UGGT1: variants seen among roughly 807,000 people sequenced by gnomAD.
UGGT1 encodes UDP-glucose:glycoprotein glucosyltransferase 1.
UGGT1 carries 107 observed loss-of-function variants against 203.9 expected under a neutral mutation model. The observed-to-expected ratio is 0.52, with a 90% confidence interval of 0.45 to 0.62. The LOEUF is 0.62. Among genes scored for constraint, UGGT1 ranks in the 20% least tolerant of loss-of-function variants. The pLI is 0.00. For missense variants in UGGT1, 1,673 were observed against 1,867.2 expected, an observed-to-expected ratio of 0.90 and a Z score of 1.92; for synonymous variants, 628 against 653.5, an observed-to-expected ratio of 0.96 and a Z score of 0.59.
In UGGT1 at chr2:128,190,237, T is replaced by G. The variant is rs932707575; in HGVS notation, c.*495T>G. On this transcript the variant is annotated 3_prime_UTR_variant, in exon 41 of 41. Transcript: ENST00000259253. ...ACCTCCAGGTTTACGCCAACATCCT[T>G]GTGCCCTCCCCACCTTCTCTTCCAA... is the stretch of plus-strand genomic sequence containing the variant. 6.5e-6 allele frequency: 1 copy of G among 154,010 alleles called. No homozygotes were observed. Among genetic ancestry groups the G allele is most frequent in the African/African-American group, 2.4e-5 (1 of 41,484 alleles). 9.5% of individuals were successfully genotyped at this position (154,010 alleles called of 1,614,324 possible).
At position 128,188,068 on chromosome 2, in the gene UGGT1, T is replaced by C. The variant is rs544384295; in HGVS notation, c.4642+454T>C. ...CAGAGTCTCACTCTGTTGCCCAGGC[T>C]GGAGTGCAGTGGCATGATCTTGGCT... On this transcript the variant is annotated intron_variant, in intron 40 of 40. Coordinates refer to ENST00000259253, the MANE Select transcript of UGGT1 (RefSeq NM_020120.4). Among the ~76,000 whole-genome samples, 3 of 151,086 alleles carry C rather than the reference T, an allele frequency of 2.0e-5. No individual in the cohort carries two copies. In the East Asian group the frequency reaches 5.8e-4, roughly 29 times the overall value.
At chr2:128,118,370 A>T (rs1316559756) in intron 8 of UGGT1, among the ~76,000 whole-genome samples, 1 of 151,976 alleles carries the variant, frequency 6.6e-6, no homozygotes, top group Non-Finnish European at 1.5e-5. Flanking sequence ...GGCTCAAGGG[A>T]TCCTCCTACC....
At chr2:128,115,626 G>A (rs1384866446) in intron 7 of UGGT1, among the ~76,000 whole-genome samples, 4 of 152,012 alleles carry the variant, frequency 2.6e-5, no homozygotes, top group African/African-American at 9.7e-5. Context: ...TGACTCCAAC[G>A]TGAAATCTTA....
chr2:128,097,480 TCTC>T lies in UGGT1; in HGVS notation c.114_116del (p.Ser39del), dbSNP rs760186659. On this transcript the variant is annotated inframe_deletion, in exon 2 of 41. Coordinates refer to ENST00000259253, the MANE Select transcript of UGGT1 (RefSeq NM_020120.4). ...GTTGTACTCACTGTTCTGTGGCTGT[TCTC>T]CTCAGTAAAGGCCGACTCAAAAGCC... 7 of 1,614,102 alleles carry T rather than the reference TCTC, an allele frequency of 4.3e-6. No homozygotes were observed. The highest frequency in any genetic ancestry group is 1.3e-5 in the African/African-American group (1 of 74,934).
chr2:128,129,967 T>C (rs1039481535), intron 13 of UGGT1, among the ~76,000 whole-genome samples: 2 of 152,100 alleles, frequency 1.3e-5, no homozygotes, highest in Non-Finnish European at 2.9e-5. Context: ...TGTCAGAGAA[T>C]GTGGGGAATA....
In UGGT1 at chr2:128,123,203, CT is replaced by C; in HGVS notation, c.1092del (p.Val365Ter). On this transcript the variant is annotated frameshift_variant, in exon 11 of 41. Transcript: ENST00000259253. LOFTEE classifies it high-confidence loss of function. ...PTKARAITKTAVSSELRTEVE... is the reference protein window; with the variant it reads ...PTKARAITKTXVSSELRTEVE... Reference sequence around the variant, plus strand: ...TTCCTTAGAGCAATAACAAAAACAGCTGTGAGCTCAGAACTTAGAACCGAAG... The same window carrying C: ...TTCCTTAGAGCAATAACAAAAACAGCGTGAGCTCAGAACTTAGAACCGAAG... 6.2e-7 allele frequency: 1 copy of C among 1,613,428 alleles called. No homozygotes were observed. Among genetic ancestry groups the C allele is most frequent in the Non-Finnish European group, 8.5e-7 (1 of 1,179,618 alleles).
chr2:128,135,438 G>A (rs981000249), intron 15 of UGGT1, among the ~76,000 whole-genome samples: 2 of 151,950 alleles, frequency 1.3e-5, no homozygotes, highest in African/African-American at 4.8e-5. Flanking sequence ...TTTAAGAACA[G>A]TTTTTTTTAT....
chr2:128,107,826 T>G, intron 3 of UGGT1, 112 bp from the exon 4 acceptor site: 1 of 1,438,434 alleles, frequency 7.0e-7, no homozygotes, highest in East Asian at 2.3e-5. Flanking sequence ...AATATACTGG[T>G]AAAACTTGCC....
In UGGT1 at chr2:128,091,611, G is replaced by T; in HGVS notation, c.58+196G>T. On this transcript the variant is annotated intron_variant, in intron 1 of 40. Transcript: ENST00000259253. Reference sequence around the variant, plus strand: ...TTCTTGGCAAGGTATCGCTTCCGCGGGGGTGGCGGCGGGCTCTGTTCAGCG... The same window carrying T: ...TTCTTGGCAAGGTATCGCTTCCGCGTGGGTGGCGGCGGGCTCTGTTCAGCG... The T allele has an allele frequency of 2.1e-6, 3 of 1,435,814 alleles. 1 individual carries two copies. Among genetic ancestry groups the T allele is most frequent in the Middle Eastern group, 3.7e-4 (2 of 5,426 alleles). The allele number at this position is 1,435,814 out of a possible 1,614,324, so 88.9% of individuals were successfully genotyped here.
chr2:128,095,207 A>G (rs6705017), intron 1 of UGGT1, among the ~76,000 whole-genome samples: 135,594 of 152,214 alleles, frequency 0.89, 61,379 homozygotes, highest in Non-Finnish European at 0.98. Context: ...TGTAAAATCT[A>G]GTTTGGTTAT....
intron 17 of UGGT1, 29 bp from the exon 18 acceptor site, chr2:128,145,767 AAAAATAT>A: frequency 2.0e-6 from 3 of 1,499,998 alleles, no homozygotes; most frequent in Non-Finnish European, 2.7e-6. Flanking sequence ...CACAAAAGGC[AAAAATAT>A]ACTGTTTTTG....
Position 128,173,862 on chromosome 2 carries a change from C to CCTCCA in UGGT1, c.3378_3382dup (p.Arg1128LeufsTer9). On this transcript the variant is annotated frameshift_variant, in exon 30 of 41. Transcript: ENST00000259253. LOFTEE classifies it high-confidence loss of function. ...TTGCTACGACATCACCACAGGCCAG[C>CCTCCA]CTCCACGGGGACTACAGTTTACCTT... 6.2e-7 allele frequency: 1 copy of CCTCCA among 1,614,206 alleles called. No homozygotes were observed.
chr2:128,148,033 G>A (rs567846613), intron 18 of UGGT1, among the ~76,000 whole-genome samples: 3 of 152,166 alleles, frequency 2.0e-5, no homozygotes, highest in African/African-American at 7.2e-5. Flanking sequence ...TATTTGTTTA[G>A]TGACTTTCCT....
intron 18 of UGGT1, among the ~76,000 whole-genome samples, chr2:128,149,916 C>T (rs962329242): frequency 8.5e-5 from 13 of 152,078 alleles, no homozygotes; most frequent in Non-Finnish European, 5.9e-5. Context: ...GAGCCAAGAT[C>T]GTGACATTGC....
chr2:128,187,809 CTA>C (rs1445843234), intron 40 of UGGT1, among the ~76,000 whole-genome samples, 195 bp downstream of exon 40: 1 of 146,636 alleles, frequency 6.8e-6, no homozygotes, highest in Non-Finnish European at 1.5e-5. Flanking sequence ...AGTGCAATTG[CTA>C]TGTTTTTTTT....
chr2:128,098,840 T>TA (rs1687235564), intron 2 of UGGT1, among the ~76,000 whole-genome samples: 1 of 151,538 alleles, frequency 6.6e-6, no homozygotes, highest in African/African-American at 2.4e-5. Flanking sequence ...TAGTGAAACA[T>TA]AGTAATTTCA....
intron 1 of UGGT1, among the ~76,000 whole-genome samples, chr2:128,097,173 G>C (rs924613812): frequency 5.3e-5 from 8 of 152,132 alleles, no homozygotes; most frequent in African/African-American, 1.9e-4. Flanking sequence ...TCAGGAGTTT[G>C]AGACCAGCCT....
intron 29 of UGGT1, among the ~76,000 whole-genome samples, chr2:128,173,003 A>G (rs1468502354): frequency 1.3e-5 from 2 of 152,190 alleles, no homozygotes; most frequent in Admixed American, 1.3e-4. Flanking sequence ...GGATGTTTTC[A>G]GCATCCCCAG....
In UGGT1 at chr2:128,160,476, T is replaced by C. The variant is rs1690471200; in HGVS notation, c.2579T>C (p.Leu860Pro). ...EFSVGGMDFS[L>P]FKEVFESSKM... ...CTTTCCTAGGGAATGGATTTCAGTC[T>C]TTTTAAAGAGGTCTTTGAGTCTTCC... Residue 860 changes from leucine (L) to proline (P), a missense_variant, in exon 24 of 41, where the codon CTT becomes CCT. This residue lies in a region of UGGT1 where 1,073 missense variants were observed against 1,078.7 expected (regional missense o/e 0.99). Coordinates refer to ENST00000259253, the MANE Select transcript of UGGT1 (RefSeq NM_020120.4). 6.2e-7 allele frequency: 1 copy of C among 1,604,604 alleles called. No individual in the cohort carries two copies. Among genetic ancestry groups the C allele is most frequent in the Non-Finnish European group, 8.5e-7 (1 of 1,177,090 alleles).
Sources: gnomAD v4.1 joint callset for allele counts (sites outside exome capture counted in the v4.1 genomes callset) on GRCh38, gnomAD v4.1.1 for gene constraint, gnomAD v4.1.1 regional missense constraint, MANE v1.5 for transcripts, NCBI Gene and HGNC (gene_info 2026-07-23, HGNC 2026-07-21) for gene names.